TMC5: variants seen among roughly 807,000 people sequenced by gnomAD.
TMC5 encodes transmembrane channel like 5.
TMC5 carries 86 observed loss-of-function variants against 110.5 expected under a neutral mutation model. The ratio of observed to expected loss-of-function variants is 0.78; its 90% CI spans 0.65 to 0.93. The LOEUF (loss-of-function observed/expected upper bound fraction) is 0.93, where lower values mean the gene tolerates loss of function less well. TMC5 is among the 40% of genes least tolerant of loss of function. The probability of loss-of-function intolerance (pLI) is 0.00; values close to 1 mark genes in which losing one functional copy is unlikely to be tolerated. For missense variants in TMC5, 1,144 were observed against 1,222.8 expected, an observed-to-expected ratio of 0.94 and a Z score of 0.96; for synonymous variants, 455 against 439.5, an observed-to-expected ratio of 1.04 and a Z score of -0.44.
chr16:19,490,627 C>T, intron 18 of TMC5, 59 bp downstream of exon 18: 1 of 1,569,882 alleles, frequency 6.4e-7, no homozygotes, highest in East Asian at 2.2e-5. Context: ...AGGGAAACAG[C>T]AGTAGGGATG....
At chr16:19,467,176 C>T (rs540876673) in intron 9 of TMC5, among the ~76,000 whole-genome samples, 85 of 152,122 alleles carry the variant, frequency 5.6e-4, no homozygotes, top group African/African-American at 2.0e-3. Flanking sequence ...AGAAAAGCAA[C>T]ATGCAATCTC....
chr16:19,439,863 C>A, intron 2 of TMC5, 97 bp from the exon 3 acceptor site: 1 of 599,050 alleles, frequency 1.7e-6, no homozygotes, highest in South Asian at 2.1e-5. Context: ...TACCTGACTA[C>A]GAACGAAAGG....
intron 5 of TMC5, 55 bp from the exon 6 acceptor site, chr16:19,460,180 T>A (rs1967985521): frequency 7.3e-7 from 1 of 1,370,664 alleles, no homozygotes; most frequent in Non-Finnish European, 1.0e-6. Flanking sequence ...CACATTTCAG[T>A]GTTACGATTC....
chr16:19,463,264 T>C lies in TMC5; in HGVS notation c.1149-16T>C. The C allele has an allele frequency of 6.3e-7, 1 of 1,596,382 alleles. No individual in the cohort carries two copies. Among genetic ancestry groups the C allele is most frequent in the Non-Finnish European group, 8.6e-7 (1 of 1,163,844 alleles). ...CAACATTTGTATCTCTCATTTTCTC[T>C]TGCTGTTCCCTACAGGAAAATAGTT... On this transcript the variant is annotated splice_polypyrimidine_tract_variant and intron_variant, in intron 6 of 21. Coordinates refer to ENST00000542583, the MANE Select transcript of TMC5 (RefSeq NM_001261841.2).
At chr16:19,493,296 C>T (rs115774033) in intron 19 of TMC5, among the ~76,000 whole-genome samples, 3,235 of 151,944 alleles carry the variant, frequency 0.021, 107 homozygotes, top group African/African-American at 0.072. Context: ...ACAATATCAT[C>T]ATCACACTTA....
At chr16:19,412,752 C>T (rs945466505) in intron 1 of TMC5, among the ~76,000 whole-genome samples, 20 of 152,238 alleles carry the variant, frequency 1.3e-4, no homozygotes, top group Non-Finnish European at 2.8e-4. Context: ...ACATTAGCTA[C>T]AGTAAATGCT....
chr16:19,434,397 T>TATAGATCTATATATAATATAG (rs1967289375), intron 2 of TMC5, among the ~76,000 whole-genome samples: 2 of 41,822 alleles, frequency 4.8e-5, no homozygotes, highest in African/African-American at 8.4e-5. Context: ...ATAGATATAA[T>TATAGATCTATATATAATATAG]ATATATATCA....
At chr16:19,471,876 T>G (rs949163540) in intron 10 of TMC5, among the ~76,000 whole-genome samples, 3 of 152,216 alleles carry the variant, frequency 2.0e-5, no homozygotes, top group African/African-American at 7.2e-5. Context: ...TTCTCCTGCC[T>G]CAGCCTCCCG....
intron 4 of TMC5, among the ~76,000 whole-genome samples, chr16:19,444,937 C>A (rs191128732): frequency 7.9e-5 from 12 of 152,264 alleles, no homozygotes; most frequent in Admixed American, 3.9e-4. Flanking sequence ...TCGAGACCAG[C>A]CTGGCCAACA....
intron 4 of TMC5, 138 bp downstream of exon 4, chr16:19,444,388 C>T (rs1199881863): frequency 1.4e-6 from 1 of 730,716 alleles, no homozygotes; most frequent in Non-Finnish European, 2.2e-6. Flanking sequence ...TTTTTACATA[C>T]AAAAGTTGAG....
At chr16:19,415,670 G>A (rs567648912), upstream of TMC5, among the ~76,000 whole-genome samples, 19 of 152,264 alleles carry the variant, frequency 1.2e-4, no homozygotes, top group East Asian at 2.1e-3. Context: ...AGGCAGAACC[G>A]CACGATCCAG....
chr16:19,415,594 A>G (rs1966872837), upstream of TMC5, among the ~76,000 whole-genome samples: 1 of 152,190 alleles, frequency 6.6e-6, no homozygotes, highest in South Asian at 2.1e-4. Flanking sequence ...TAGCTACAAA[A>G]GAATCAAAAT....
intron 7 of TMC5, 72 bp downstream of exon 7, chr16:19,463,439 CA>C: frequency 7.9e-7 from 1 of 1,262,006 alleles, no homozygotes; most frequent in Non-Finnish European, 1.2e-6. Context: ...AAAGGGGACT[CA>C]GGGGGAAGAT....
At chr16:19,414,592 G>T (rs1186748456), upstream of TMC5, among the ~76,000 whole-genome samples, 2 of 152,072 alleles carry the variant, frequency 1.3e-5, no homozygotes, top group Admixed American at 6.6e-5. Flanking sequence ...CTTATTTTTT[G>T]AAAAAGTTAC....
rs757411204 is a variant in TMC5 at position 19,497,193 on chromosome 16, C to T, written c.2974+30C>T. Reference sequence around the variant, plus strand: ...GTAATTAAACTGGGACAGAATAAGACACTAATTTATTTCTGGTGAAATATC... The same window carrying T: ...GTAATTAAACTGGGACAGAATAAGATACTAATTTATTTCTGGTGAAATATC... On this transcript the variant is annotated intron_variant, in intron 21 of 21. Transcript: ENST00000542583. The T allele has an allele frequency of 1.4e-5, 22 of 1,600,722 alleles. No individual in the cohort carries two copies. In the South Asian group the frequency reaches 1.4e-4, roughly 10 times the overall value.
intron 5 of TMC5, among the ~76,000 whole-genome samples, chr16:19,455,161 CT>C (rs975930663): frequency 1.3e-5 from 2 of 151,294 alleles, no homozygotes; most frequent in African/African-American, 2.4e-5. Flanking sequence ...AAAATTTGTA[CT>C]TTTTTTTACA....
chr16:19,456,712 G>C (rs1213286418), intron 5 of TMC5: 2 of 1,607,108 alleles, frequency 1.2e-6, no homozygotes, highest in African/African-American at 2.7e-5. Flanking sequence ...AGGAGATGCT[G>C]TCCGATGACC....
intron 11 of TMC5, among the ~76,000 whole-genome samples, chr16:19,472,767 C>T (rs920364688): frequency 2.6e-5 from 4 of 152,186 alleles, no homozygotes; most frequent in East Asian, 1.9e-4. Flanking sequence ...TTGCAGCTTA[C>T]GTGTGGGGAG....
chr16:19,442,844 A>G (rs1967521324), intron 3 of TMC5, among the ~76,000 whole-genome samples: 1 of 152,184 alleles, frequency 6.6e-6, no homozygotes, highest in South Asian at 2.1e-4. Context: ...CCCAAATAGT[A>G]GGGTTAACAG....
Sources: gnomAD v4.1 joint callset for allele counts (sites outside exome capture counted in the v4.1 genomes callset) on GRCh38, gnomAD v4.1.1 for gene constraint, MANE v1.5 for transcripts, NCBI Gene and HGNC (gene_info 2026-07-23, HGNC 2026-07-21) for gene names.